The following SPATS2L variants were observed in gnomAD, a reference collection of about 807,000 sequenced individuals.
SPATS2L encodes SPATS2-like protein.
SPATS2L carries 30 observed loss-of-function variants against 59.6 expected under a neutral mutation model. The observed-to-expected ratio is 0.50, with a 90% CI of 0.38 to 0.68. The LOEUF is 0.68. SPATS2L is among the 30% of genes least tolerant of loss of function. SPATS2L has a pLI of 0.00. For missense variants in SPATS2L, 615 were observed against 700.0 expected, an observed-to-expected ratio of 0.88 and a Z score of 1.37; for synonymous variants, 252 against 263.5, an observed-to-expected ratio of 0.96 and a Z score of 0.42.
At chr2:200,306,573 A>C, upstream of SPATS2L, 1 of 989,258 alleles carries the variant, frequency 1.0e-6, no homozygotes, top group Non-Finnish European at 1.2e-6. Flanking sequence ...AGCGGGAGCG[A>C]GGGGCGCCGG....
At chr2:200,310,282 C>A (rs570697879) in intron 1 of SPATS2L, among the ~76,000 whole-genome samples, 5 of 152,270 alleles carry the variant, frequency 3.3e-5, no homozygotes, top group African/African-American at 1.2e-4. Context: ...TCTTCATCAC[C>A]CAGACTGGAG....
intron 2 of SPATS2L, among the ~76,000 whole-genome samples, chr2:200,388,704 A>G (rs1278340087): frequency 1.3e-5 from 2 of 151,978 alleles, no homozygotes; most frequent in Admixed American, 6.6e-5. Flanking sequence ...TTGAAAAAAA[A>G]AAAAGAAAAG....
chr2:200,438,354 A>G (rs982543305), intron 6 of SPATS2L, among the ~76,000 whole-genome samples: 1 of 152,194 alleles, frequency 6.6e-6, no homozygotes, highest in Admixed American at 6.5e-5. Flanking sequence ...TCTCACACCC[A>G]AAACTTTCTC....
intron 9 of SPATS2L, among the ~76,000 whole-genome samples, chr2:200,461,653 G>A (rs751055200): frequency 3.9e-5 from 6 of 152,160 alleles, no homozygotes; most frequent in Non-Finnish European, 7.4e-5. Flanking sequence ...AAGATGAATT[G>A]GATAAATGGC....
intron 8 of SPATS2L, 55 bp downstream of exon 8, chr2:200,440,839 G>A: frequency 1.3e-6 from 2 of 1,563,626 alleles, no homozygotes; most frequent in Middle Eastern, 3.4e-4. Context: ...TGTTCCAACA[G>A]GTAAAAGTAT....
chr2:200,375,186 A>G (rs1395783966), intron 2 of SPATS2L, among the ~76,000 whole-genome samples: 6 of 152,234 alleles, frequency 3.9e-5, no homozygotes, highest in Admixed American at 2.6e-4. Context: ...GCCAACAGCA[A>G]TGAAAATCCC....
intron 8 of SPATS2L, among the ~76,000 whole-genome samples, chr2:200,454,448 G>C (rs2085692732): frequency 6.6e-6 from 1 of 152,130 alleles, no homozygotes; most frequent in Non-Finnish European, 1.5e-5. Context: ...GGGAGAAAAT[G>C]ATAAATCTAT....
chr2:200,383,086 C>T (rs945664973), intron 2 of SPATS2L, among the ~76,000 whole-genome samples: 2 of 152,242 alleles, frequency 1.3e-5, no homozygotes, highest in African/African-American at 4.8e-5. Context: ...GCTGTGCTGC[C>T]CCTGCCCTCC....
chr2:200,443,620 A>G (rs1207986836), intron 8 of SPATS2L, among the ~76,000 whole-genome samples: 1 of 152,206 alleles, frequency 6.6e-6, no homozygotes, highest in Admixed American at 6.5e-5. Flanking sequence ...CTAACCACAA[A>G]GTACTCAACA....
At position 200,467,289 on chromosome 2, in the gene SPATS2L, G is replaced by A. The variant is rs1330080416; in HGVS notation, c.848-1G>A. 6.2e-7 allele frequency: 1 copy of A among 1,609,686 alleles called. No homozygotes were observed. The highest frequency in any genetic ancestry group is 1.1e-5 in the South Asian group (1 of 90,982). On this transcript the variant is annotated splice_acceptor_variant, in intron 9 of 12. Coordinates refer to ENST00000409140, the MANE Select transcript of SPATS2L (RefSeq NM_001100423.2). LOFTEE classifies it high-confidence loss of function. Reference sequence around the variant, plus strand: ...ATGTATGACTCCTCCTTATTTGGCAGTGGAAATCCTGACTGCTCGTCAGAA... The same window carrying A: ...ATGTATGACTCCTCCTTATTTGGCAATGGAAATCCTGACTGCTCGTCAGAA...
chr2:200,476,753 A>G (rs951401658), intron 12 of SPATS2L, among the ~76,000 whole-genome samples: 6 of 152,258 alleles, frequency 3.9e-5, no homozygotes, highest in Non-Finnish European at 7.3e-5. Context: ...TAACAGCTCA[A>G]TAGACCTTCT....
At chr2:200,329,314 A>G (rs1380968024) in intron 1 of SPATS2L, 117 bp from the exon 2 acceptor site, 14 of 840,988 alleles carry the variant, frequency 1.7e-5, no homozygotes, top group Non-Finnish European at 2.7e-5. Context: ...GGTGAGGACG[A>G]ATTCCCTGTC....
intron 2 of SPATS2L, among the ~76,000 whole-genome samples, chr2:200,344,339 T>C (rs2080436909): frequency 6.6e-6 from 1 of 152,198 alleles, no homozygotes; most frequent in Admixed American, 6.5e-5. Context: ...TCTGTTCCTA[T>C]GTTAGTTTGC....
At chr2:200,356,131 C>T (rs768511961) in intron 2 of SPATS2L, among the ~76,000 whole-genome samples, 11 of 152,114 alleles carry the variant, frequency 7.2e-5, no homozygotes, top group Non-Finnish European at 1.6e-4. Flanking sequence ...AGTCAGTCCA[C>T]GGTAAATGGG....
At position 200,459,830 on chromosome 2, in the gene SPATS2L, A is replaced by G; in HGVS notation, c.847+3A>G. On this transcript the variant is annotated splice_donor_region_variant and intron_variant, in intron 9 of 12. Transcript: ENST00000409140. ...GGATAAAGTTAAAGAAGAAGCCAGT[A>G]AGTAGACAACACATGGTTATTTGAT... 6.2e-7 allele frequency: 1 copy of G among 1,605,294 alleles called. No homozygotes were observed. The highest frequency in any genetic ancestry group is 8.5e-7 in the Non-Finnish European group (1 of 1,172,984).
chr2:200,413,529 T>A (rs2082958702), intron 4 of SPATS2L, among the ~76,000 whole-genome samples: 1 of 152,226 alleles, frequency 6.6e-6, no homozygotes, highest in Admixed American at 6.5e-5. Context: ...ATGTCTTCTG[T>A]CCTGGCATTA....
intron 1 of SPATS2L, among the ~76,000 whole-genome samples, chr2:200,311,263 C>A (rs550111692): frequency 1.3e-5 from 2 of 152,256 alleles, no homozygotes; most frequent in East Asian, 3.9e-4. Context: ...TTGAAGGAGG[C>A]GTCTGTCAAG....
chr2:200,335,082 G>C (rs1364231196), intron 2 of SPATS2L, among the ~76,000 whole-genome samples: 1 of 152,106 alleles, frequency 6.6e-6, no homozygotes, highest in Non-Finnish European at 1.5e-5. Context: ...GGATGGCATT[G>C]AATCTATAAA....
chr2:200,462,530 A>T (rs115982076), intron 9 of SPATS2L, among the ~76,000 whole-genome samples: 410 of 152,294 alleles, frequency 2.7e-3, no homozygotes, highest in Middle Eastern at 0.014. Flanking sequence ...GCCCATTTGC[A>T]TGCTTTTGAG....
Sources: gnomAD v4.1 joint callset for allele counts (sites outside exome capture counted in the v4.1 genomes callset) on GRCh38, gnomAD v4.1.1 for gene constraint, MANE v1.5 for transcripts, NCBI Gene and HGNC (gene_info 2026-07-23, HGNC 2026-07-21) for gene names.